The following KAZN variants were observed in gnomAD, a reference collection of about 807,000 sequenced individuals.
KAZN encodes the protein kazrin.
Under a neutral mutation model 87.4 loss-of-function variants are expected in KAZN, and 40 were observed. The observed-to-expected ratio is 0.46, with a 90% CI of 0.36 to 0.60. The LOEUF (loss-of-function observed/expected upper bound fraction) is 0.60, where lower values mean the gene tolerates loss of function less well. Ranked by LOEUF, KAZN falls within the 20% of genes least tolerant of loss-of-function variation. The probability of loss-of-function intolerance (pLI) is 0.00; values close to 1 mark genes in which losing one functional copy is unlikely to be tolerated. For synonymous variants in KAZN, 466 were observed against 458.3 expected (o/e 1.02, Z -0.22); for missense variants, 898 against 1,073.9 (o/e 0.84, Z 2.29).
At chr1:14,651,220 T>G (rs1218836460) in intron 1 of KAZN, among the ~76,000 whole-genome samples, 1 of 152,212 alleles carries the variant, frequency 6.6e-6, no homozygotes, top group African/African-American at 2.4e-5. Flanking sequence ...AAGCCATTGT[T>G]GAAAATGGAA....
chr1:14,143,147 C>T (rs574325136), intron 1 of KAZN, among the ~76,000 whole-genome samples: 12 of 152,284 alleles, frequency 7.9e-5, no homozygotes, highest in African/African-American at 2.6e-4. Flanking sequence ...TTGCTTGGAA[C>T]GACGGTTCCT....
chr1:14,107,968 G>A (rs1035927414), intron 1 of KAZN, among the ~76,000 whole-genome samples: 5 of 152,038 alleles, frequency 3.3e-5, no homozygotes, highest in Non-Finnish European at 7.4e-5. Flanking sequence ...ACCAAGTGAG[G>A]GGATTGTGCA....
chr1:14,801,673 T>C (rs1351337244), intron 1 of KAZN, among the ~76,000 whole-genome samples: 3 of 148,116 alleles, frequency 2.0e-5, no homozygotes, highest in African/African-American at 7.5e-5. Context: ...AAAGTTTTTT[T>C]TGTTTTTTTT....
intron 1 of KAZN, among the ~76,000 whole-genome samples, chr1:14,137,772 G>A (rs1015165960): frequency 6.3e-5 from 9 of 143,600 alleles, no homozygotes; most frequent in East Asian, 4.2e-4. Context: ...GCAATGGGGC[G>A]ATCTCAGCTC....
At chr1:14,931,304 C>T (rs902161033) in intron 1 of KAZN, among the ~76,000 whole-genome samples, 1 of 151,912 alleles carries the variant, frequency 6.6e-6, no homozygotes, top group Non-Finnish European at 1.5e-5. Context: ...ATGAGCCCAG[C>T]ATGGTGGCGC....
chr1:14,164,965 T>A (rs186862482), intron 1 of KAZN, among the ~76,000 whole-genome samples: 16 of 152,348 alleles, frequency 1.1e-4, no homozygotes, highest in African/African-American at 3.6e-4. Flanking sequence ...TTGCGGATCC[T>A]CTTTTCCAGG....
At chr1:14,287,977 A>G (rs779226923) in intron 2 of KAZN, among the ~76,000 whole-genome samples, 1 of 152,218 alleles carries the variant, frequency 6.6e-6, no homozygotes, top group Non-Finnish European at 1.5e-5. Flanking sequence ...GTGATGGATT[A>G]CATTTATTGA....
chr1:14,464,944 TG>T (rs201401136), intron 2 of KAZN, among the ~76,000 whole-genome samples: 10,784 of 152,202 alleles, frequency 0.071, 895 homozygotes, highest in African/African-American at 0.2. Flanking sequence ...CAATACACAG[TG>T]ACTTCACATA....
intron 8 of KAZN, among the ~76,000 whole-genome samples, chr1:15,092,064 T>TG (rs1408141539): frequency 2.0e-5 from 3 of 149,852 alleles, no homozygotes; most frequent in Admixed American, 1.3e-4. Flanking sequence ...TTTTTTGTTT[T>TG]TTTTTTTGAT....
Position 15,101,699 on chromosome 1 carries a change from C to T in KAZN, c.1704C>T (p.Asn568=), listed in dbSNP as rs756365309. 165 of 1,595,876 alleles carry T rather than the reference C, an allele frequency of 1.0e-4. No individual in the cohort carries two copies. Among genetic ancestry groups the T allele is most frequent in the Non-Finnish European group, 1.3e-4 (151 of 1,171,104 alleles). The stretch of plus-strand genomic sequence containing the variant: ...AGCGAGACCTGGAGAAGCACCTGAA[C>T]GTGTCCAAGAAGTTCCACCAGGTCA... The part of the protein sequence containing the change: ...LMKRDLEKHL[N]VSKKFHQVSI... Residue 568 remains asparagine (N), a synonymous_variant, in exon 11 of 15, where the codon AAC becomes AAT. Transcript: ENST00000376030.
At chr1:13,999,139 G>A (rs750169355) in intron 1 of KAZN, among the ~76,000 whole-genome samples, 27 of 152,144 alleles carry the variant, frequency 1.8e-4, no homozygotes, top group Admixed American at 9.2e-4. Context: ...CTTCAGGTCA[G>A]GAGTTTGAGA....
At chr1:14,749,181 C>A (rs1405043068) in intron 1 of KAZN, among the ~76,000 whole-genome samples, 1 of 152,188 alleles carries the variant, frequency 6.6e-6, no homozygotes, top group African/African-American at 2.4e-5. Context: ...CTCACATCCA[C>A]TGAGACCTGT....
chr1:14,091,269 G>A (rs896725765), intron 1 of KAZN, among the ~76,000 whole-genome samples: 3 of 152,160 alleles, frequency 2.0e-5, no homozygotes, highest in Non-Finnish European at 4.4e-5. Context: ...CAGGCTCTGT[G>A]TGGTTCCCTC....
At chr1:14,377,788 A>C (rs72869068) in intron 2 of KAZN, among the ~76,000 whole-genome samples, 254 of 152,256 alleles carry the variant, frequency 1.7e-3, no homozygotes, top group African/African-American at 5.7e-3. Context: ...GCATTTCTCA[A>C]CTTCGGCACT....
At chr1:14,719,364 CA>C (rs1225476632) in intron 1 of KAZN, among the ~76,000 whole-genome samples, 5 of 152,184 alleles carry the variant, frequency 3.3e-5, no homozygotes, top group Non-Finnish European at 7.3e-5. Flanking sequence ...CCCTTGCCCT[CA>C]TGGGGCTTAG....
chr1:14,233,914 G>A (rs975606282), intron 2 of KAZN, among the ~76,000 whole-genome samples: 4 of 152,214 alleles, frequency 2.6e-5, no homozygotes, highest in African/African-American at 4.8e-5. Flanking sequence ...TGCTGGAGGG[G>A]ATGTAGAGAA....
intron 1 of KAZN, among the ~76,000 whole-genome samples, chr1:14,797,353 C>T (rs1645860880): frequency 6.6e-6 from 1 of 152,144 alleles, no homozygotes; most frequent in Non-Finnish European, 1.5e-5. Context: ...GAGCCACCAT[C>T]CCTGGCCTAT....
chr1:14,918,715 T>A (rs1454692284), intron 1 of KAZN, among the ~76,000 whole-genome samples: 4 of 3,988 alleles, frequency 1.0e-3, no homozygotes, highest in East Asian at 9.4e-3. Flanking sequence ...AAAATATATA[T>A]ATATATATAT....
intron 1 of KAZN, among the ~76,000 whole-genome samples, chr1:14,801,627 G>C (rs951283909): frequency 1.3e-5 from 2 of 152,102 alleles, no homozygotes; most frequent in Non-Finnish European, 2.9e-5. Flanking sequence ...ACAGACTGCT[G>C]ATGAGTTTAT....
Sources: gnomAD v4.1 joint callset for allele counts (sites outside exome capture counted in the v4.1 genomes callset) on GRCh38, gnomAD v4.1.1 for gene constraint, MANE v1.5 for transcripts, NCBI Gene and HGNC (gene_info 2026-07-23, HGNC 2026-07-21) for gene names.